RBFOX1: variants seen among roughly 807,000 people sequenced by gnomAD.
The protein encoded by RBFOX1 is RNA binding protein fox-1 homolog 1.
RBFOX1 carries 8 observed loss-of-function variants against 57.7 expected under a neutral mutation model. That is an observed-to-expected ratio of 0.14 (90% CI 0.08 to 0.25). The LOEUF (loss-of-function observed/expected upper bound fraction) is 0.25. Ranked by LOEUF, RBFOX1 falls within the 10% of genes least tolerant of loss-of-function variation. The probability of loss-of-function intolerance (pLI) is 1.00; values close to 1 mark genes in which losing one functional copy is unlikely to be tolerated. For synonymous variants in RBFOX1, 326 were observed against 222.4 expected, an observed-to-expected ratio of 1.47 and a Z score of -4.15; for missense variants, 611 against 548.5, an observed-to-expected ratio of 1.11 and a Z score of -1.14.
At chr16:7,434,364 C>G (rs1284405311) in intron 4 of RBFOX1, among the ~76,000 whole-genome samples, 3 of 152,048 alleles carry the variant, frequency 2.0e-5, no homozygotes, top group African/African-American at 4.8e-5. Flanking sequence ...CCCAGCTACT[C>G]TGAAGGCTGA....
intron 4 of RBFOX1, among the ~76,000 whole-genome samples, chr16:7,451,141 C>T (rs750988122): frequency 2.6e-5 from 4 of 152,176 alleles, no homozygotes; most frequent in Non-Finnish European, 5.9e-5. Context: ...ACTCAGAAAA[C>T]ATCCAGCTTT....
intron 4 of RBFOX1, among the ~76,000 whole-genome samples, chr16:7,052,372 T>C (rs2050391857): frequency 6.6e-6 from 1 of 152,244 alleles, no homozygotes; most frequent in Admixed American, 6.5e-5. Flanking sequence ...ATCATTGTAC[T>C]CTTTTTATGT....
chr16:6,973,685 C>T (rs887860448), intron 3 of RBFOX1, among the ~76,000 whole-genome samples: 1 of 152,030 alleles, frequency 6.6e-6, no homozygotes, highest in East Asian at 1.9e-4. Context: ...TGGGATTTTT[C>T]GAGTAAAGTG....
chr16:6,839,632 C>T (rs1213318790), intron 3 of RBFOX1, among the ~76,000 whole-genome samples: 1 of 152,200 alleles, frequency 6.6e-6, no homozygotes, highest in African/African-American at 2.4e-5. Flanking sequence ...TTTCAATTAG[C>T]TGTGAGACAC....
At chr16:7,464,899 G>T (rs764180099) in intron 4 of RBFOX1, among the ~76,000 whole-genome samples, 1 of 151,508 alleles carries the variant, frequency 6.6e-6, no homozygotes, top group Non-Finnish European at 1.5e-5. Context: ...GGGTTTCACC[G>T]TGTTAGCCAG....
chr16:7,273,130 T>C (rs2095362989), intron 4 of RBFOX1, among the ~76,000 whole-genome samples: 1 of 113,650 alleles, frequency 8.8e-6, no homozygotes, highest in Non-Finnish European at 1.7e-5. Flanking sequence ...CTCCCTTTCC[T>C]CCTTCCCTGC....
chr16:5,377,543 G>C (rs1244863024), intron 1 of RBFOX1, among the ~76,000 whole-genome samples: 1 of 144,758 alleles, frequency 6.9e-6, no homozygotes. Flanking sequence ...ACGGAGGTGA[G>C]GGAGGAGGAG....
intron 3 of RBFOX1, among the ~76,000 whole-genome samples, chr16:5,702,344 C>A (rs769469771): frequency 1.3e-5 from 2 of 152,174 alleles, no homozygotes; most frequent in African/African-American, 4.8e-5. Context: ...CGTGAGAACT[C>A]ACTCACTATC....
intron 4 of RBFOX1, among the ~76,000 whole-genome samples, chr16:7,280,059 G>C (rs2095511435): frequency 6.6e-6 from 1 of 152,228 alleles, no homozygotes; most frequent in Non-Finnish European, 1.5e-5. Context: ...GATTGGATCT[G>C]TATTCAAAAC....
At chr16:7,438,514 C>G (rs190183826) in intron 4 of RBFOX1, among the ~76,000 whole-genome samples, 1 of 152,296 alleles carries the variant, frequency 6.6e-6, no homozygotes, top group Admixed American at 6.5e-5. Flanking sequence ...TCCACGGACT[C>G]CAGCCTTCCT....
At chr16:5,767,697 G>A (rs1294953618) in intron 3 of RBFOX1, among the ~76,000 whole-genome samples, 1 of 152,150 alleles carries the variant, frequency 6.6e-6, no homozygotes, top group Non-Finnish European at 1.5e-5. Flanking sequence ...CTCCTGAAAA[G>A]GCATAAATGA....
intron 3 of RBFOX1, among the ~76,000 whole-genome samples, chr16:6,660,832 A>G (rs562244163): frequency 6.6e-6 from 1 of 152,166 alleles, no homozygotes; most frequent in Admixed American, 6.5e-5. Flanking sequence ...ATTTTATCAA[A>G]TGAGGCCCTG....
At chr16:6,036,490 C>A (rs1014453509) in intron 1 of RBFOX1, among the ~76,000 whole-genome samples, 3 of 151,862 alleles carry the variant, frequency 2.0e-5, no homozygotes, top group African/African-American at 7.3e-5. Flanking sequence ...ACTTGATGAA[C>A]CTATATGCAA....
intron 1 of RBFOX1, among the ~76,000 whole-genome samples, chr16:6,198,665 A>G (rs2097196216): frequency 1.3e-5 from 2 of 152,186 alleles, no homozygotes; most frequent in South Asian, 4.1e-4. Context: ...TGGAAGCATA[A>G]CATTTAAAAG....
intron 3 of RBFOX1, among the ~76,000 whole-genome samples, chr16:5,681,644 C>T (rs2050342873): frequency 6.6e-6 from 1 of 152,072 alleles, no homozygotes; most frequent in Non-Finnish European, 1.5e-5. Context: ...CCACCCACCT[C>T]AGCCTCCCAA....
intron 4 of RBFOX1, among the ~76,000 whole-genome samples, chr16:7,059,501 A>C (rs778283521): frequency 4.6e-5 from 7 of 152,230 alleles, no homozygotes; most frequent in Non-Finnish European, 8.8e-5. Flanking sequence ...CTCACAGCCT[A>C]GTGGAAAAGA....
intron 3 of RBFOX1, among the ~76,000 whole-genome samples, chr16:6,890,537 C>G (rs1364651706): frequency 1.3e-5 from 2 of 152,102 alleles, no homozygotes; most frequent in Non-Finnish European, 2.9e-5. Context: ...CAAACAAAAC[C>G]AAACCCAAAG....
At chr16:7,375,806 A>G (rs143651582) in intron 4 of RBFOX1, among the ~76,000 whole-genome samples, 39 of 152,272 alleles carry the variant, frequency 2.6e-4, no homozygotes, top group Middle Eastern at 3.4e-3. Context: ...AATAATTTTA[A>G]TCTACTTTGT....
At chr16:5,247,370 C>A (rs1226059794) in intron 1 of RBFOX1, among the ~76,000 whole-genome samples, 1 of 152,210 alleles carries the variant, frequency 6.6e-6, no homozygotes, top group Non-Finnish European at 1.5e-5. Context: ...GTGGAGAGCC[C>A]TGCCCTGGCT....
Sources: allele counts gnomAD v4.1 joint callset (sites outside exome capture counted in the v4.1 genomes callset), GRCh38; gene constraint gnomAD v4.1.1; transcripts MANE v1.5; gene names NCBI Gene and HGNC (gene_info 2026-07-23, HGNC 2026-07-21).